The following PLPPR1 variants were observed in gnomAD, a reference collection of about 807,000 sequenced individuals.
PLPPR1 encodes phospholipid phosphatase-related protein type 1.
Under a neutral mutation model 33.1 loss-of-function variants are expected in PLPPR1, and 10 were observed. That is an observed-to-expected ratio of 0.30 (90% confidence interval 0.19 to 0.51). The LOEUF is 0.51. Ranked by LOEUF, PLPPR1 falls within the 20% of genes least tolerant of loss-of-function variation. The pLI is 0.97. For synonymous variants in PLPPR1, 151 were observed against 151.0 expected (o/e 1.00, Z 0.00); for missense variants, 304 against 408.1 (o/e 0.74, Z 2.20).
chr9:101,234,832 T>A (rs1445700447), intron 2 of PLPPR1, among the ~76,000 whole-genome samples: 2 of 151,948 alleles, frequency 1.3e-5, no homozygotes, highest in African/African-American at 2.4e-5. Flanking sequence ...ATTCTCCAAA[T>A]AGACTTAAAT....
At chr9:101,099,783 T>C (rs1291509494) in intron 1 of PLPPR1, among the ~76,000 whole-genome samples, 1 of 152,006 alleles carries the variant, frequency 6.6e-6, no homozygotes, top group Non-Finnish European at 1.5e-5. Context: ...CTGGAACAAC[T>C]CCCCCATGGA....
chr9:101,092,302 T>C (rs1286286144), intron 1 of PLPPR1, among the ~76,000 whole-genome samples: 4 of 152,186 alleles, frequency 2.6e-5, no homozygotes, highest in African/African-American at 7.2e-5. Context: ...AATTTTGTGA[T>C]TTATTGTTGT....
At chr9:101,297,960 C>T (rs934759692) in intron 4 of PLPPR1, among the ~76,000 whole-genome samples, 1 of 152,132 alleles carries the variant, frequency 6.6e-6, no homozygotes, top group Non-Finnish European at 1.5e-5. Flanking sequence ...AAGTTCAGTT[C>T]AGTTCTGCTC....
chr9:101,204,040 C>T (rs1276760141), intron 2 of PLPPR1, among the ~76,000 whole-genome samples: 4 of 152,170 alleles, frequency 2.6e-5, no homozygotes, highest in Non-Finnish European at 5.9e-5. Context: ...TCCCCTGTAA[C>T]GCAAGTTTCT....
intron 2 of PLPPR1, among the ~76,000 whole-genome samples, chr9:101,242,323 T>G (rs1475009010): frequency 4.0e-5 from 6 of 151,614 alleles, no homozygotes; most frequent in Admixed American, 2.0e-4. Context: ...GCAAACCACC[T>G]TCAGGGAGAG....
chr9:101,206,917 G>T (rs1021004922), intron 2 of PLPPR1, among the ~76,000 whole-genome samples: 5 of 151,796 alleles, frequency 3.3e-5, no homozygotes, highest in African/African-American at 1.2e-4. Flanking sequence ...CCATTGCCAA[G>T]CCAGGACTTA....
intron 1 of PLPPR1, among the ~76,000 whole-genome samples, chr9:101,145,812 C>A (rs1831513950): frequency 6.7e-6 from 1 of 149,084 alleles, no homozygotes; most frequent in Non-Finnish European, 1.5e-5. Flanking sequence ...TTGAGACCAG[C>A]CTGGGCAACA....
chr9:101,089,065 G>A (rs1443475925), intron 1 of PLPPR1, among the ~76,000 whole-genome samples: 1 of 152,098 alleles, frequency 6.6e-6, no homozygotes, highest in African/African-American at 2.4e-5. Context: ...TCTGATTCCT[G>A]ATAAGCTAAT....
chr9:101,286,159 T>G lies in PLPPR1; in HGVS notation c.308T>G (p.Ile103Ser). Residue 103 changes from isoleucine to serine, a missense_variant, in exon 4 of 8, where the codon ATT (isoleucine) becomes AGT (serine). Ile to Ser is a moderately radical substitution (Grantham distance 142). Coordinates refer to ENST00000374874, the MANE Select transcript of PLPPR1 (RefSeq NM_207299.2). ...YFIKSTRESL[I>S]AQEKTILTGE... The stretch of plus-strand genomic sequence containing the variant: ...ATAAAATCAACAAGAGAATCCCTGA[T>G]TGCTCAGGAGAAAACAATTCTGACC... 6.2e-7 allele frequency: 1 copy of G among 1,611,706 alleles called. No homozygotes were observed. Among genetic ancestry groups the G allele is most frequent in the Non-Finnish European group, 8.5e-7 (1 of 1,177,832 alleles).
At chr9:101,058,729 T>C (rs923484367) in intron 1 of PLPPR1, among the ~76,000 whole-genome samples, 10 of 152,164 alleles carry the variant, frequency 6.6e-5, no homozygotes, top group African/African-American at 1.9e-4. Context: ...CCCCATTTTA[T>C]AGGCAAAAGA....
intron 3 of PLPPR1, among the ~76,000 whole-genome samples, chr9:101,275,623 A>G (rs1247520616): frequency 6.6e-6 from 1 of 152,178 alleles, no homozygotes; most frequent in East Asian, 1.9e-4. Flanking sequence ...GAATAAACTC[A>G]TACACTCAGA....
chr9:101,054,755 CTTCT>C (rs1462822654), intron 1 of PLPPR1, among the ~76,000 whole-genome samples: 1 of 152,120 alleles, frequency 6.6e-6, no homozygotes, highest in Non-Finnish European at 1.5e-5. Flanking sequence ...ATAAACGAGC[CTTCT>C]TTGTTTCAAG....
rs1057499822 is a variant in PLPPR1 at position 101,228,003 on chromosome 9, T to G, written c.64-41877T>G. On this transcript the variant is annotated intron_variant, in intron 2 of 7. Coordinates refer to ENST00000374874, the MANE Select transcript of PLPPR1 (RefSeq NM_207299.2). The stretch of plus-strand genomic sequence containing the variant: ...CATATTGGCCAGGCTGGTCTAGAAC[T>G]CCTGGCTTCAGGAGATCCACCCACC... Among the ~76,000 whole-genome samples the G allele has an allele frequency of 1.2e-4, 19 of 152,286 alleles. 1 individual carries two copies. In the South Asian group the frequency reaches 3.5e-3, roughly 28 times the overall value.
chr9:101,227,499 GT>G (rs200343428), intron 2 of PLPPR1, among the ~76,000 whole-genome samples: 1 of 151,992 alleles, frequency 6.6e-6, no homozygotes, highest in Non-Finnish European at 1.5e-5. Flanking sequence ...TTTTAATGGG[GT>G]TTTTTTCTTG....
intron 1 of PLPPR1, among the ~76,000 whole-genome samples, chr9:101,087,838 G>A (rs1830696883): frequency 6.6e-6 from 1 of 152,168 alleles, no homozygotes; most frequent in South Asian, 2.1e-4. Context: ...ATTCAGAATT[G>A]TCTACGTATT....
chr9:101,214,949 G>C (rs990917389), intron 2 of PLPPR1, among the ~76,000 whole-genome samples: 1 of 151,608 alleles, frequency 6.6e-6, no homozygotes, highest in Non-Finnish European at 1.5e-5. Context: ...CCTGAACCTG[G>C]GAGGCAGACG....
chr9:101,097,324 C>T (rs1350555704), intron 1 of PLPPR1, among the ~76,000 whole-genome samples: 1 of 152,108 alleles, frequency 6.6e-6, no homozygotes, highest in African/African-American at 2.4e-5. Context: ...GCATGTAGCA[C>T]CCAAGTGAAC....
At chr9:101,263,720 C>T (rs1482496792) in intron 2 of PLPPR1, among the ~76,000 whole-genome samples, 1 of 152,178 alleles carries the variant, frequency 6.6e-6, no homozygotes, top group African/African-American at 2.4e-5. Context: ...CTCCTGTGAG[C>T]TCTGTGACCT....
intron 7 of PLPPR1, among the ~76,000 whole-genome samples, chr9:101,319,600 G>A (rs1194685737): frequency 1.3e-5 from 2 of 152,024 alleles, no homozygotes; most frequent in Non-Finnish European, 2.9e-5. Context: ...TTTTAACTTG[G>A]TCTAGAAATA....
Sources: allele counts gnomAD v4.1 joint callset (sites outside exome capture counted in the v4.1 genomes callset), GRCh38; gene constraint gnomAD v4.1.1; transcripts MANE v1.5; gene names NCBI Gene and HGNC (gene_info 2026-07-23, HGNC 2026-07-21).